Variants in RAD51B observed in about 807,000 individuals in gnomAD.
RAD51B encodes the protein DNA repair protein RAD51 homolog 2.
Under a neutral mutation model 42.2 loss-of-function variants are expected in RAD51B, and 38 were observed. That is an observed-to-expected ratio of 0.90 (90% CI 0.70 to 1.18). The LOEUF (loss-of-function observed/expected upper bound fraction) is 1.18. RAD51B is among the 50% of genes most tolerant of loss of function. The pLI, the probability that RAD51B is intolerant of heterozygous loss-of-function variation, is 0.00. For synonymous variants in RAD51B, 154 were observed against 145.2 expected (o/e 1.06, Z -0.43); for missense variants, 373 against 400.7 (o/e 0.93, Z 0.59).
At chr14:68,090,970 T>A (rs370728112) in intron 7 of RAD51B, among the ~76,000 whole-genome samples, 1 of 150,594 alleles carries the variant, frequency 6.6e-6, no homozygotes, top group African/African-American at 2.4e-5. Flanking sequence ...TTTGTCCTTG[T>A]GATAGTTTGC....
intron 10 of RAD51B, among the ~76,000 whole-genome samples, chr14:68,518,560 C>CA (rs930047453): frequency 1.3e-5 from 2 of 150,420 alleles, no homozygotes; most frequent in East Asian, 2.0e-4. Context: ...ATGAGCCCCC[C>CA]CCCCAGGCCT....
chr14:68,420,500 G>A (rs1365567065), intron 9 of RAD51B, among the ~76,000 whole-genome samples: 2 of 152,152 alleles, frequency 1.3e-5, no homozygotes, highest in African/African-American at 4.8e-5. Flanking sequence ...AAAGAGGTGG[G>A]CAATTCCCAG....
At chr14:68,022,567 T>G (rs1595271754) in intron 7 of RAD51B, among the ~76,000 whole-genome samples, 1 of 152,202 alleles carries the variant, frequency 6.6e-6, no homozygotes, top group African/African-American at 2.4e-5. Context: ...GGTATCTCAT[T>G]GCGGTTTTGA....
chr14:67,875,645 A>G (rs758556138), intron 5 of RAD51B, among the ~76,000 whole-genome samples: 3 of 152,198 alleles, frequency 2.0e-5, no homozygotes, highest in Non-Finnish European at 4.4e-5. Context: ...AGTAGGCTAT[A>G]CTATCTAGGT....
At chr14:68,005,210 C>T (rs2075565976) in intron 7 of RAD51B, among the ~76,000 whole-genome samples, 1 of 151,720 alleles carries the variant, frequency 6.6e-6, no homozygotes, top group Non-Finnish European at 1.5e-5. Flanking sequence ...CATGCCACCA[C>T]GCCCAGCTAA....
At chr14:68,568,230 T>C (rs1314713040) in intron 10 of RAD51B, among the ~76,000 whole-genome samples, 1 of 152,062 alleles carries the variant, frequency 6.6e-6, no homozygotes, top group Non-Finnish European at 1.5e-5. Flanking sequence ...AGTGCTAAGA[T>C]AGAAACATGG....
chr14:67,934,598 C>G (rs962408467), intron 7 of RAD51B, among the ~76,000 whole-genome samples: 1 of 151,904 alleles, frequency 6.6e-6, no homozygotes, highest in African/African-American at 2.4e-5. Flanking sequence ...AATCTTGACC[C>G]CCTTCCTGTA....
intron 10 of RAD51B, among the ~76,000 whole-genome samples, chr14:68,602,342 G>T (rs1344417084): frequency 6.6e-6 from 1 of 151,860 alleles, no homozygotes; most frequent in Non-Finnish European, 1.5e-5. Flanking sequence ...ATCCTGACTG[G>T]CCCAGCTGAC....
rs537249323 is a variant in RAD51B at position 68,188,516 on chromosome 14, T to C, written c.757-103368T>C. On this transcript the variant is annotated intron_variant, in intron 7 of 10. Transcript: ENST00000471583. The stretch of plus-strand genomic sequence containing the variant: ...GCTATAGGCAACAATATTAGGTTTG[T>C]CTATGGCTCTACTTTTGTATTAGCC... Among the ~76,000 whole-genome samples the C allele has an allele frequency of 3.3e-5, 5 of 152,366 alleles. No individual in the cohort carries two copies. The South Asian group carries it at 1.0e-3, about 32-fold the overall frequency.
At position 68,023,966 on chromosome 14, in the gene RAD51B, G is replaced by A. The variant is rs145335017; in HGVS notation, c.756+136762G>A. 2.5e-4 allele frequency among the ~76,000 whole-genome samples: 38 copies of A among 152,246 alleles called. 1 individual carries two copies. In the East Asian group the frequency reaches 7.1e-3, roughly 29 times the overall value. On this transcript the variant is annotated intron_variant, in intron 7 of 10. Coordinates refer to ENST00000471583, the MANE Select transcript of RAD51B (RefSeq NM_133510.4). ...TATTTTCTGGGTTTTCTTCTAAGACGTTTATAGTTTGAGGTCTTACACTTA... is the reference window on the plus strand; with the variant it reads ...TATTTTCTGGGTTTTCTTCTAAGACATTTATAGTTTGAGGTCTTACACTTA...
At chr14:68,402,010 A>G (rs2084119530) in intron 8 of RAD51B, among the ~76,000 whole-genome samples, 1 of 152,218 alleles carries the variant, frequency 6.6e-6, no homozygotes, top group Non-Finnish European at 1.5e-5. Context: ...CCTGACCTAT[A>G]GACCATTGTC....
intron 7 of RAD51B, among the ~76,000 whole-genome samples, chr14:67,893,509 C>CAAAAAAAA (rs71129863): frequency 1.8e-4 from 15 of 83,762 alleles, no homozygotes; most frequent in African/African-American, 5.7e-4. Context: ...CACACACACA[C>CAAAAAAAA]AAAAAAAAAC....
At chr14:68,285,608 A>G (rs1465225779) in intron 7 of RAD51B, among the ~76,000 whole-genome samples, 1 of 152,186 alleles carries the variant, frequency 6.6e-6, no homozygotes, top group African/African-American at 2.4e-5. Context: ...GCACCTCGCC[A>G]TCCTGGCCCA....
chr14:68,422,275 A>G, intron 9 of RAD51B: 1 of 739,242 alleles, frequency 1.4e-6, no homozygotes. Flanking sequence ...AATTAGGGGT[A>G]GAGGAGGTTG....
At chr14:68,022,615 T>C (rs2075885104) in intron 7 of RAD51B, among the ~76,000 whole-genome samples, 2 of 152,174 alleles carry the variant, frequency 1.3e-5, no homozygotes, top group Non-Finnish European at 2.9e-5. Flanking sequence ...ATGGGCATTT[T>C]TTCATGTTTG....
At chr14:67,997,528 C>G (rs1402347152) in intron 7 of RAD51B, among the ~76,000 whole-genome samples, 2 of 152,190 alleles carry the variant, frequency 1.3e-5, no homozygotes. Flanking sequence ...CCAACCCCTT[C>G]TCTATACCTC....
intron 4 of RAD51B, among the ~76,000 whole-genome samples, chr14:67,858,361 G>T (rs954124793): frequency 1.3e-5 from 2 of 152,288 alleles, no homozygotes; most frequent in Admixed American, 6.5e-5. Flanking sequence ...CTAGAGAGGG[G>T]ACAGGAAGGG....
At chr14:68,073,465 T>C (rs2076785843) in intron 7 of RAD51B, among the ~76,000 whole-genome samples, 1 of 152,220 alleles carries the variant, frequency 6.6e-6, no homozygotes, top group African/African-American at 2.4e-5. Context: ...TAGGTCTTGC[T>C]TATTTATTCA....
intron 7 of RAD51B, among the ~76,000 whole-genome samples, chr14:68,118,980 A>G (rs1433337037): frequency 6.6e-6 from 1 of 151,940 alleles, no homozygotes; most frequent in African/African-American, 2.4e-5. Context: ...TTATTGAGAC[A>G]AAGTCTCACT....
Sources: allele counts gnomAD v4.1 joint callset (sites outside exome capture counted in the v4.1 genomes callset), GRCh38; gene constraint gnomAD v4.1.1; transcripts MANE v1.5; gene names NCBI Gene and HGNC (gene_info 2026-07-23, HGNC 2026-07-21).